The following THSD7B variants were observed in gnomAD, a reference collection of about 807,000 sequenced individuals.
The protein encoded by THSD7B is thrombospondin type 1 domain containing 7B, also known as thrombospondin type-1 domain-containing protein 7B.
THSD7B carries 138 observed loss-of-function variants against 213.6 expected under a neutral mutation model. The ratio of observed to expected loss-of-function variants is 0.65; its 90% confidence interval spans 0.56 to 0.74. The LOEUF (loss-of-function observed/expected upper bound fraction) is 0.74. Among genes scored for constraint, THSD7B ranks in the 30% least tolerant of loss-of-function variants. THSD7B has a pLI of 0.00. For synonymous variants in THSD7B, 742 were observed against 687.0 expected, an observed-to-expected ratio of 1.08 and a Z score of -1.25; for missense variants, 1,931 against 1,991.5, an observed-to-expected ratio of 0.97 and a Z score of 0.58.
At chr2:137,523,590 A>C (rs140551428) in intron 15 of THSD7B, among the ~76,000 whole-genome samples, 142 of 152,332 alleles carry the variant, frequency 9.3e-4, no homozygotes, top group African/African-American at 3.2e-3. Context: ...AATTGGTTGC[A>C]TACTCAATAA....
In THSD7B at chr2:137,249,366, C is replaced by T. The variant is rs1217501003; in HGVS notation, c.2266+6794C>T. The stretch of plus-strand genomic sequence containing the variant: ...ATTGCATTAGAGTCCGATGACCATA[C>T]TGAGACAAGGAGGAACACTTACATT... On this transcript the variant is annotated intron_variant, in intron 10 of 27. Transcript: ENST00000409968. Among the ~76,000 whole-genome samples the T allele has an allele frequency of 3.3e-5, 5 of 151,914 alleles. 1 individual carries two copies. The South Asian group carries it at 1.0e-3, about 32-fold the overall frequency.
chr2:137,081,189 G>T (rs576283302), intron 3 of THSD7B, among the ~76,000 whole-genome samples: 1 of 152,126 alleles, frequency 6.6e-6, no homozygotes, highest in African/African-American at 2.4e-5. Context: ...GATTGATCTG[G>T]ATTAGATTTT....
intron 25 of THSD7B, among the ~76,000 whole-genome samples, chr2:137,662,928 G>A (rs1055691510): frequency 6.6e-6 from 1 of 151,988 alleles, no homozygotes; most frequent in Non-Finnish European, 1.5e-5. Flanking sequence ...AGCCAGGTGT[G>A]ATGGCGGGTG....
At chr2:137,367,986 A>G (rs1396462612) in intron 12 of THSD7B, among the ~76,000 whole-genome samples, 1 of 152,104 alleles carries the variant, frequency 6.6e-6, no homozygotes, top group Admixed American at 6.6e-5. Context: ...TATTCAGTCT[A>G]TTACATAACC....
chr2:137,320,529 T>C (rs1273060715), intron 12 of THSD7B, among the ~76,000 whole-genome samples: 1 of 152,204 alleles, frequency 6.6e-6, no homozygotes, highest in East Asian at 1.9e-4. Context: ...AGTTAATCTG[T>C]GTTGATTTGG....
rs1434279671 is a variant in THSD7B, at chr2:136,868,875, G to T, written c.-35-13269G>T. Reference sequence around the variant, plus strand: ...ATGGACTACAGACTGACTTTCTCAGGTATCTATTTTATTTCTTAAAATATC... The same window carrying T: ...ATGGACTACAGACTGACTTTCTCAGTTATCTATTTTATTTCTTAAAATATC... On this transcript the variant is annotated intron_variant, in intron 1 of 27. Transcript: ENST00000409968. 3.3e-5 allele frequency among the ~76,000 whole-genome samples: 5 copies of T among 152,004 alleles called. No homozygotes were observed. In the East Asian group the frequency reaches 5.8e-4, roughly 18 times the overall value.
chr2:136,979,414 T>A (rs1461186123), intron 2 of THSD7B, among the ~76,000 whole-genome samples: 1 of 152,188 alleles, frequency 6.6e-6, no homozygotes, highest in Non-Finnish European at 1.5e-5. Flanking sequence ...TCTCCCTGTC[T>A]CTTTCAGGTA....
chr2:136,774,719 C>G (rs1024379462), intron 1 of THSD7B, among the ~76,000 whole-genome samples: 32 of 152,032 alleles, frequency 2.1e-4, no homozygotes, highest in African/African-American at 7.0e-4. Context: ...GAAGAACTAC[C>G]TTGTGGAGAC....
At chr2:137,282,480 G>T (rs9678947) in intron 12 of THSD7B, among the ~76,000 whole-genome samples, 1 of 151,444 alleles carries the variant, frequency 6.6e-6, no homozygotes, top group Admixed American at 6.6e-5. Context: ...GTCCTTGCCT[G>T]TGCCTATGTC....
chr2:136,805,830 C>T (rs1682270441), intron 1 of THSD7B, among the ~76,000 whole-genome samples: 1 of 152,196 alleles, frequency 6.6e-6, no homozygotes, highest in South Asian at 2.1e-4. Context: ...ACTGCTCTGT[C>T]CTCTGGTCCC....
At chr2:137,185,562 A>G (rs1409473290) in intron 7 of THSD7B, among the ~76,000 whole-genome samples, 1 of 152,166 alleles carries the variant, frequency 6.6e-6, no homozygotes, top group Non-Finnish European at 1.5e-5. Context: ...GTCACTGGAA[A>G]GGACATGATT....
chr2:137,319,324 C>T (rs1234322826), intron 12 of THSD7B, among the ~76,000 whole-genome samples: 2 of 151,134 alleles, frequency 1.3e-5, no homozygotes, highest in Non-Finnish European at 2.9e-5. Context: ...TACTCTTCTT[C>T]CATGTTTTGA....
intron 12 of THSD7B, among the ~76,000 whole-genome samples, chr2:137,341,727 T>G (rs1426908831): frequency 2.0e-5 from 3 of 151,668 alleles, no homozygotes; most frequent in Admixed American, 2.0e-4. Context: ...GGATTGTCCT[T>G]TTTACTATTG....
chr2:137,545,397 A>G (rs1242159117), intron 15 of THSD7B, among the ~76,000 whole-genome samples: 4 of 151,966 alleles, frequency 2.6e-5, no homozygotes, highest in Non-Finnish European at 4.4e-5. Context: ...TCTTTCTCAC[A>G]GCTTCCTTAA....
intron 1 of THSD7B, among the ~76,000 whole-genome samples, chr2:136,800,864 A>G (rs1370969492): frequency 1.3e-5 from 2 of 151,978 alleles, no homozygotes; most frequent in East Asian, 3.9e-4. Context: ...GCACTTTTGT[A>G]GATCTTAGAG....
At chr2:137,443,143 A>T (rs1338867045) in intron 14 of THSD7B, among the ~76,000 whole-genome samples, 1 of 152,130 alleles carries the variant, frequency 6.6e-6, no homozygotes, top group Non-Finnish European at 1.5e-5. Flanking sequence ...AAGGAAAAAA[A>T]TATCTTTTCT....
intron 2 of THSD7B, among the ~76,000 whole-genome samples, chr2:136,979,051 G>T (rs992682378): frequency 6.6e-6 from 1 of 151,990 alleles, no homozygotes; most frequent in Non-Finnish European, 1.5e-5. Context: ...CACTTATGAA[G>T]CTTAGTTTGG....
chr2:136,850,657 T>A (rs1206265430), intron 1 of THSD7B, among the ~76,000 whole-genome samples: 2 of 152,002 alleles, frequency 1.3e-5, no homozygotes, highest in African/African-American at 4.8e-5. Flanking sequence ...ATATGGGACT[T>A]TTTTTCCATT....
intron 1 of THSD7B, among the ~76,000 whole-genome samples, chr2:136,766,413 AG>A (rs1301456557): frequency 2.8e-5 from 4 of 141,688 alleles, no homozygotes; most frequent in African/African-American, 1.0e-4. Flanking sequence ...AGGGGCAGGG[AG>A]GGGGGGACAG....
Sources: allele counts gnomAD v4.1 joint callset (sites outside exome capture counted in the v4.1 genomes callset), GRCh38; gene constraint gnomAD v4.1.1; transcripts MANE v1.5; gene names NCBI Gene and HGNC (gene_info 2026-07-23, HGNC 2026-07-21).